The following BICD1 variants were observed in gnomAD, a reference collection of about 807,000 sequenced individuals.
BICD1 encodes BICD cargo adaptor 1, also known as protein bicaudal D homolog 1.
In BICD1, 35 loss-of-function variants were observed where a neutral mutation model predicts 92.5. That is an observed-to-expected ratio of 0.38 (90% CI 0.29 to 0.50). The LOEUF (loss-of-function observed/expected upper bound fraction) is 0.50. BICD1 is among the 20% of genes least tolerant of loss of function. The pLI, the probability that BICD1 is intolerant of heterozygous loss-of-function variation, is 0.93. For synonymous variants in BICD1, 429 were observed against 465.1 expected (o/e 0.92, Z 1.00); for missense variants, 950 against 1,189.8 (o/e 0.80, Z 2.97).
chr12:32,172,840 T>C (rs1943984226), intron 1 of BICD1, among the ~76,000 whole-genome samples: 2 of 152,316 alleles, frequency 1.3e-5, no homozygotes, highest in South Asian at 4.1e-4. Context: ...TGCTAGACAT[T>C]AATTATATTA....
rs1940203984 is a variant in BICD1, at chr12:32,382,184, TTA to T, written c.*4559_*4560del. On this transcript the variant is annotated 3_prime_UTR_variant, in exon 10 of 10. Coordinates refer to ENST00000652176, the MANE Select transcript of BICD1 (RefSeq NM_001714.4). ...GTATTGCGTTTGTAACCTGATCGTA[TTA>T]TGTTTACAGCTGAAAGATTTCATCT... 1 of 152,102 alleles carries T rather than the reference TTA, an allele frequency of 6.6e-6. No homozygotes were observed. Among genetic ancestry groups the T allele is most frequent in the Non-Finnish European group, 1.5e-5 (1 of 67,952 alleles). The allele number at this position is 152,102 out of a possible 1,614,324, so 9.4% of individuals were successfully genotyped here. A position where few individuals can be genotyped will look rare whatever the true frequency, so the allele number is the denominator to read the frequency against.
rs765984931 is a variant in BICD1, at chr12:32,198,323, C to CATATATATATATATATATATAT, written c.214-17922_214-17921insATATATATATATATATATATAT. Among the ~76,000 whole-genome samples, 367 of 87,836 alleles carry CATATATATATATATATATATAT rather than the reference C, an allele frequency of 4.2e-3. 54 individuals carry two copies. The highest frequency in any genetic ancestry group is 6.4e-3 in the Middle Eastern group (1 of 156). 57.6% of individuals were successfully genotyped at this position (87,836 alleles called of 152,430 possible). On this transcript the variant is annotated intron_variant, in intron 1 of 9. Transcript: ENST00000652176. ...AGGGGATGATTATGGGAATAATATG[C>CATATATATATATATATATATAT]ATCTATCTATATATATATATATATA...
At position 32,271,649 on chromosome 12, in the gene BICD1, A is replaced by G. The variant is rs1385795426; in HGVS notation, c.427-22345A>G. Reference sequence around the variant, plus strand: ...TGCTGTCATCCTGTTAAGCTTCCCCATACCGTGCCTGTATAAACAATCCTC... The same window carrying G: ...TGCTGTCATCCTGTTAAGCTTCCCCGTACCGTGCCTGTATAAACAATCCTC... On this transcript the variant is annotated intron_variant, in intron 2 of 9. Coordinates refer to ENST00000652176, the MANE Select transcript of BICD1 (RefSeq NM_001714.4). 2.6e-5 allele frequency among the ~76,000 whole-genome samples: 4 copies of G among 152,140 alleles called. No individual in the cohort carries two copies. In the East Asian group the frequency reaches 5.8e-4, roughly 22 times the overall value.
At chr12:32,296,602 A>G (rs961151238) in intron 3 of BICD1, among the ~76,000 whole-genome samples, 1 of 151,844 alleles carries the variant, frequency 6.6e-6, no homozygotes, top group Non-Finnish European at 1.5e-5. Context: ...TATTGATGAA[A>G]CACATAGAGG....
At position 32,216,288 on chromosome 12, in the gene BICD1, A is replaced by C; in HGVS notation, c.255A>C (p.Glu85Asp). Residue 85 changes from glutamate to aspartate, a missense_variant, in exon 2 of 10, where the codon GAA becomes GAC. Transcript: ENST00000652176. ...QSFSIHRKVA[E>D]DGETREETLL... ...TCTCCATCCACCGGAAGGTTGCTGA[A>C]GATGGAGAGACTCGGGAGGAAACGC... 1 of 1,614,070 alleles carries C rather than the reference A, an allele frequency of 6.2e-7. No individual in the cohort carries two copies. The highest frequency in any genetic ancestry group is 8.5e-7 in the Non-Finnish European group (1 of 1,180,014).
intron 1 of BICD1, among the ~76,000 whole-genome samples, chr12:32,117,341 T>C (rs1413843286): frequency 6.6e-6 from 1 of 152,206 alleles, no homozygotes; most frequent in Non-Finnish European, 1.5e-5. Flanking sequence ...TTTATACTTT[T>C]CCCACCACCA....
At chr12:32,177,778 T>C (rs1268967809) in intron 1 of BICD1, among the ~76,000 whole-genome samples, 1 of 88,524 alleles carries the variant, frequency 1.1e-5, no homozygotes, top group Non-Finnish European at 2.5e-5. Context: ...ATATTTAATA[T>C]ATAAATATTT....
chr12:32,263,269 C>T (rs1946903105), intron 2 of BICD1, among the ~76,000 whole-genome samples: 1 of 151,960 alleles, frequency 6.6e-6, no homozygotes, highest in African/African-American at 2.4e-5. Context: ...TAAGAAAAGG[C>T]CAGGCATGGT....
intron 8 of BICD1, among the ~76,000 whole-genome samples, chr12:32,349,939 A>C (rs923344783): frequency 1.3e-5 from 2 of 152,220 alleles, no homozygotes; most frequent in Non-Finnish European, 2.9e-5. Context: ...GTTACATGGA[A>C]TATGGAAGCC....
At chr12:32,367,482 GAA>G (rs11351681) in intron 8 of BICD1, 186 bp from the exon 9 acceptor site, 4,211 of 404,156 alleles carry the variant, frequency 0.01, no homozygotes, top group Middle Eastern at 0.016. Flanking sequence ...CTGTATTTAA[GAA>G]AAAAAAAAAA....
At chr12:32,116,502 CTCTCTCTCTA>C (rs1476456480) in intron 1 of BICD1, among the ~76,000 whole-genome samples, 213 of 77,522 alleles carry the variant, frequency 2.7e-3, no homozygotes, top group African/African-American at 8.5e-3. Flanking sequence ...TTCTCTCTCT[CTCTCTCTCTA>C]TATATATATA....
chr12:32,334,428 A>C (rs944351199), intron 5 of BICD1, 88 bp from the exon 6 acceptor site: 20 of 1,309,508 alleles, frequency 1.5e-5, no homozygotes, highest in African/African-American at 9.1e-5. Context: ...TCCTTTTATA[A>C]AAGAACATAA....
chr12:32,276,244 C>G (rs1259451232), intron 2 of BICD1, among the ~76,000 whole-genome samples: 1 of 152,116 alleles, frequency 6.6e-6, no homozygotes, highest in African/African-American at 2.4e-5. Flanking sequence ...CGGAGGAAAT[C>G]TCAACTACAC....
intron 2 of BICD1, among the ~76,000 whole-genome samples, chr12:32,285,476 C>T (rs1472335199): frequency 6.6e-6 from 1 of 152,050 alleles, no homozygotes; most frequent in Non-Finnish European, 1.5e-5. Flanking sequence ...AACTGGAAGG[C>T]AGTATTATTT....
intron 2 of BICD1, among the ~76,000 whole-genome samples, chr12:32,240,391 A>T (rs1016137331): frequency 4.6e-5 from 7 of 152,092 alleles, no homozygotes; most frequent in Non-Finnish European, 7.4e-5. Context: ...TTCCTCTTCC[A>T]GCTTCCATCT....
chr12:32,338,978 A>G lies in BICD1; in HGVS notation c.2763A>G (p.Pro921=), dbSNP rs1386456415. The G allele has an allele frequency of 6.3e-7, 1 of 1,588,058 alleles. No homozygotes were observed. Among genetic ancestry groups the G allele is most frequent in the African/African-American group, 1.4e-5 (1 of 73,212 alleles). Residue 921 remains proline (P), a splice_region_variant and synonymous_variant, in exon 8 of 10, where the codon CCA becomes CCG. Transcript: ENST00000652176. ...SKEKRLTVAP[P]DCQQPAASVP... ...AAAAAAGGTTAACCGTGGCTCCACCAGGTAAACATTTTTTCCTTGGGTGCA... is the reference window on the plus strand; with the variant it reads ...AAAAAAGGTTAACCGTGGCTCCACCGGGTAAACATTTTTTCCTTGGGTGCA...
intron 8 of BICD1, among the ~76,000 whole-genome samples, chr12:32,346,953 C>CTTTT (rs546760175): frequency 7.3e-6 from 1 of 136,446 alleles, no homozygotes; most frequent in South Asian, 2.3e-4. Context: ...CTTTTCTTTT[C>CTTTT]TTTTTTTTTT....
In BICD1 at chr12:32,213,724, A is replaced by G. The variant is rs545832866; in HGVS notation, c.214-2523A>G. On this transcript the variant is annotated intron_variant, in intron 1 of 9. Transcript: ENST00000652176. Reference sequence around the variant, plus strand: ...CCCAGTGTATTATATGAGAGGGTACATGATGTCAGTATGTCTCATTGCTGT... The same window carrying G: ...CCCAGTGTATTATATGAGAGGGTACGTGATGTCAGTATGTCTCATTGCTGT... Among the ~76,000 whole-genome samples, 22 of 152,260 alleles carry G rather than the reference A, an allele frequency of 1.4e-4. No homozygotes were observed. The South Asian group carries it at 3.7e-3, about 26-fold the overall frequency.
At chr12:32,219,091 AC>A (rs1174576382) in intron 2 of BICD1, among the ~76,000 whole-genome samples, 1 of 152,200 alleles carries the variant, frequency 6.6e-6, no homozygotes, top group Non-Finnish European at 1.5e-5. Flanking sequence ...GTAACTTAGA[AC>A]AGTTATGACA....
Sources: allele counts gnomAD v4.1 joint callset (sites outside exome capture counted in the v4.1 genomes callset), GRCh38; gene constraint gnomAD v4.1.1; transcripts MANE v1.5; gene names NCBI Gene and HGNC (gene_info 2026-07-23, HGNC 2026-07-21).